The following CD82 variants were observed in gnomAD, a reference collection of about 807,000 sequenced individuals.
CD82 encodes the protein CD82 antigen.
In CD82, 36 loss-of-function variants were observed where a neutral mutation model predicts 37.4. That is an observed-to-expected ratio of 0.96 (90% confidence interval 0.74 to 1.27). CD82 has a LOEUF of 1.27. CD82 is among the 50% of genes most tolerant of loss of function. The probability of loss-of-function intolerance (pLI) is 0.00; values close to 1 mark genes in which losing one functional copy is unlikely to be tolerated. For synonymous variants in CD82, 158 were observed against 137.4 expected, an observed-to-expected ratio of 1.15 and a Z score of -1.05; for missense variants, 340 against 347.0, an observed-to-expected ratio of 0.98 and a Z score of 0.16.
chr11:44,587,571 G>T lies in CD82; in HGVS notation c.-21+15G>T. On this transcript the variant is annotated intron_variant, in intron 2 of 9. Transcript: ENST00000227155. ...TTTCGTGGAAGGTAAGTCCTGGGCT[G>T]AGAGGAGTGGTGGGTTGGAGGGGAC... 2.2e-6 allele frequency: 1 copy of T among 456,374 alleles called. No homozygotes were observed. The highest frequency in any genetic ancestry group is 1.5e-5 in the South Asian group (1 of 64,574). 28.3% of individuals were successfully genotyped at this position (456,374 alleles called of 1,614,324 possible). A position where few individuals can be genotyped will look rare whatever the true frequency, so the allele number is the denominator to read the frequency against.
At chr11:44,588,004 C>T in intron 2 of CD82, 1 of 213,054 alleles carries the variant, frequency 4.7e-6, no homozygotes, top group Non-Finnish European at 9.8e-6. Context: ...TTTCATGCAG[C>T]AATATTTGTT....
At chr11:44,600,306 A>G (rs1401224392) in intron 4 of CD82, 76 bp downstream of exon 4, 24 of 1,386,942 alleles carry the variant, frequency 1.7e-5, no homozygotes, top group Non-Finnish European at 2.3e-5. Flanking sequence ...AGCTGCTCCC[A>G]TAAGTGCTTC....
intron 1 of CD82, chr11:44,587,103 A>C: frequency 3.5e-6 from 1 of 284,446 alleles, no homozygotes; most frequent in South Asian, 3.6e-5. Flanking sequence ...GGCATGGCCT[A>C]TGTTGATTGT....
intron 7 of CD82, 124 bp downstream of exon 7, chr11:44,615,497 G>A: frequency 1.5e-6 from 1 of 671,484 alleles, no homozygotes; most frequent in Non-Finnish European, 2.7e-6. Context: ...GTTTGTAGGA[G>A]AGTGTGCTTC....
chr11:44,576,760 C>T (rs896944084), intron 1 of CD82, among the ~76,000 whole-genome samples: 4 of 152,186 alleles, frequency 2.6e-5, no homozygotes, highest in African/African-American at 9.7e-5. Context: ...GACATTTTCT[C>T]ATGTACTTAT....
intron 1 of CD82, chr11:44,566,475 T>C (rs750322727): frequency 2.0e-5 from 3 of 152,352 alleles, no homozygotes; most frequent in Non-Finnish European, 2.9e-5. Context: ...CCGGGGTTAA[T>C]TTCTTGGCTG....
chr11:44,584,693 G>A (rs1238832214), intron 1 of CD82, among the ~76,000 whole-genome samples: 3 of 152,022 alleles, frequency 2.0e-5, no homozygotes, highest in African/African-American at 2.4e-5. Flanking sequence ...GTGGGTGGGG[G>A]TTAATATCAA....
intron 1 of CD82, among the ~76,000 whole-genome samples, chr11:44,571,933 CA>C (rs1852819971): frequency 6.6e-6 from 1 of 152,244 alleles, no homozygotes; most frequent in Non-Finnish European, 1.5e-5. Flanking sequence ...GTCTGGAGAT[CA>C]GGGGACCTGG....
rs1472917055 is a variant in CD82 at position 44,618,296 on chromosome 11, C to G, written c.573C>G (p.Gly191=). The G allele has an allele frequency of 4.3e-6, 7 of 1,613,926 alleles. No homozygotes were observed. Among genetic ancestry groups the G allele is most frequent in the Non-Finnish European group, 5.9e-6 (7 of 1,180,020 alleles). Residue 191 remains glycine (G), a synonymous_variant, in exon 8 of 10, where the codon GGC becomes GGG. Coordinates refer to ENST00000227155, the MANE Select transcript of CD82 (RefSeq NM_002231.4). ...ACAACAGCCTTTCTGTGAGGAAGGG[C>G]TTCTGCGAGGCCCCCGGCAACAGGA... The part of the protein sequence containing the change: ...EEDNSLSVRK[G]FCEAPGNRTQ...
chr11:44,604,503 T>C (rs1853359724), intron 4 of CD82: 1 of 163,554 alleles, frequency 6.1e-6, no homozygotes, highest in Non-Finnish European at 1.4e-5. Context: ...TGAGGCACAG[T>C]GAGTGGGCAA....
chr11:44,596,615 G>A (rs1853231252), intron 3 of CD82, among the ~76,000 whole-genome samples: 1 of 152,192 alleles, frequency 6.6e-6, no homozygotes, highest in Non-Finnish European at 1.5e-5. Flanking sequence ...TCCTCCAGGG[G>A]CTGGCAGGAG....
chr11:44,611,466 G>A (rs187357191), intron 6 of CD82, among the ~76,000 whole-genome samples: 1 of 152,252 alleles, frequency 6.6e-6, no homozygotes, highest in Non-Finnish European at 1.5e-5. Context: ...ACCACTCGCC[G>A]TGCCTGTGAT....
chr11:44,618,046 G>C, intron 7 of CD82, 116 bp from the exon 8 acceptor site: 3 of 798,752 alleles, frequency 3.8e-6, no homozygotes, highest in Non-Finnish European at 6.1e-6. Flanking sequence ...CTGGGACCAG[G>C]GGCCTGGAAG....
chr11:44,589,120 A>G (rs1303604992), intron 2 of CD82, among the ~76,000 whole-genome samples: 2 of 152,208 alleles, frequency 1.3e-5, no homozygotes, highest in Non-Finnish European at 1.5e-5. Context: ...GCCGGGCATG[A>G]TGGCACATGC....
chr11:44,605,575 T>C, intron 6 of CD82, 146 bp downstream of exon 6: 1 of 703,734 alleles, frequency 1.4e-6, no homozygotes. Flanking sequence ...CACTATTCCT[T>C]GTGATCAAAT....
At chr11:44,589,833 T>C (rs1853113462) in intron 2 of CD82, among the ~76,000 whole-genome samples, 1 of 152,188 alleles carries the variant, frequency 6.6e-6, no homozygotes, top group South Asian at 2.1e-4. Flanking sequence ...CCTTGCTGCC[T>C]CTTCGTTTTG....
chr11:44,570,284 G>A (rs1261456503), intron 1 of CD82, among the ~76,000 whole-genome samples: 1 of 152,168 alleles, frequency 6.6e-6, no homozygotes, highest in East Asian at 1.9e-4. Context: ...CTCTGTGCTT[G>A]GCTGCCTTTC....
chr11:44,565,308 G>T (rs1239470738), upstream of CD82, among the ~76,000 whole-genome samples: 2 of 152,198 alleles, frequency 1.3e-5, no homozygotes, highest in African/African-American at 4.8e-5. Context: ...GGAGGAGACC[G>T]GGAGGACGAG....
At chr11:44,607,123 C>T (rs993690077) in intron 6 of CD82, among the ~76,000 whole-genome samples, 1 of 152,260 alleles carries the variant, frequency 6.6e-6, no homozygotes, top group African/African-American at 2.4e-5. Context: ...TGCCCTTCAC[C>T]ACTTGAAGGT....
Sources: allele counts gnomAD v4.1 joint callset (sites outside exome capture counted in the v4.1 genomes callset), GRCh38; gene constraint gnomAD v4.1.1; transcripts MANE v1.5; gene names NCBI Gene and HGNC (gene_info 2026-07-23, HGNC 2026-07-21).